The following INPP5A variants were observed in gnomAD, a reference collection of about 807,000 sequenced individuals.
The protein encoded by INPP5A is inositol polyphosphate-5-phosphatase A.
A neutral mutation model predicts 65.2 loss-of-function variants in INPP5A; 14 were observed. The observed-to-expected ratio is 0.21, with a 90% CI of 0.14 to 0.34. INPP5A has a LOEUF of 0.34. Ranked by LOEUF, INPP5A falls within the 10% of genes least tolerant of loss-of-function variation. INPP5A has a pLI of 1.00. For missense variants in INPP5A, 431 were observed against 545.6 expected, an observed-to-expected ratio of 0.79 and a Z score of 2.09; for synonymous variants, 207 against 208.3, an observed-to-expected ratio of 0.99 and a Z score of 0.05.
chr10:132,598,670 C>G (rs1014674796), intron 1 of INPP5A, among the ~76,000 whole-genome samples: 2 of 152,138 alleles, frequency 1.3e-5, no homozygotes, highest in African/African-American at 4.8e-5. Context: ...TGTGGGTGTA[C>G]CGATATCTGT....
At chr10:132,558,172 G>A (rs139575768) in intron 1 of INPP5A, among the ~76,000 whole-genome samples, 65 of 152,322 alleles carry the variant, frequency 4.3e-4, no homozygotes, top group African/African-American at 1.6e-3. Flanking sequence ...CAGGGAAGGG[G>A]CGCTCTGTGT....
In INPP5A at chr10:132,698,944, C is replaced by T. The variant is rs928549746; in HGVS notation, c.474+1025C>T. On this transcript the variant is annotated intron_variant, in intron 6 of 15. Transcript: ENST00000368594. This position sits in a 1 kb window ranked among gnomAD's most constrained non-coding sequence, Gnocchi z 5.5. ...GCCGCCCGTGAAGGATGGGGTGCTC[C>T]TGTCACCCTGTGGCTCGGCCTCCTC... Among the ~76,000 whole-genome samples, 4 of 152,254 alleles carry T rather than the reference C, an allele frequency of 2.6e-5. No homozygotes were observed. Among genetic ancestry groups the T allele is most frequent in the Non-Finnish European group, 4.4e-5 (3 of 68,040 alleles).
At chr10:132,631,098 C>T (rs1215497669) in intron 2 of INPP5A, among the ~76,000 whole-genome samples, 5 of 152,176 alleles carry the variant, frequency 3.3e-5, no homozygotes, top group Non-Finnish European at 7.4e-5. Context: ...CCCAGCCCCA[C>T]GCAGGGCCAA....
intron 2 of INPP5A, among the ~76,000 whole-genome samples, chr10:132,630,791 G>A (rs1037502218): frequency 3.9e-5 from 6 of 152,212 alleles, no homozygotes; most frequent in East Asian, 3.9e-4. Context: ...GGTGGGGGCC[G>A]GGAGGCGGCG....
intron 13 of INPP5A, 23 bp from the exon 14 acceptor site, chr10:132,780,826 A>C: frequency 6.2e-7 from 1 of 1,610,024 alleles, no homozygotes; most frequent in Non-Finnish European, 8.5e-7. Context: ...CCCCACACTC[A>C]CCTGTCTGTT....
At chr10:132,776,990 G>A (rs187263446) in intron 12 of INPP5A, among the ~76,000 whole-genome samples, 9 of 152,328 alleles carry the variant, frequency 5.9e-5, no homozygotes, top group East Asian at 3.9e-4. Context: ...TGGTGGAGAC[G>A]CAACCAGCAG....
At chr10:132,681,626 C>A (rs938419148) in intron 4 of INPP5A, among the ~76,000 whole-genome samples, 1 of 152,054 alleles carries the variant, frequency 6.6e-6, no homozygotes, top group African/African-American at 2.4e-5. Flanking sequence ...GGAGTTGGAA[C>A]CTTTGTGCAC....
chr10:132,596,997 TTGTG>T (rs1261941304), intron 1 of INPP5A, among the ~76,000 whole-genome samples: 10 of 137,920 alleles, frequency 7.3e-5, no homozygotes, highest in Non-Finnish European at 1.1e-4. Context: ...GCACGTGTGT[TTGTG>T]TGCACGCTCC....
chr10:132,717,009 C>T (rs1283358195), intron 8 of INPP5A, among the ~76,000 whole-genome samples: 1 of 152,192 alleles, frequency 6.6e-6, no homozygotes, highest in African/African-American at 2.4e-5. Context: ...ATGCCCCCAG[C>T]CCCAAGGCTG....
Position 132,616,464 on chromosome 10 carries a change from TGTG to T in INPP5A, c.117+8518_117+8520del, listed in dbSNP as rs1234310385. 1.3e-5 allele frequency among the ~76,000 whole-genome samples: 2 copies of T among 151,694 alleles called. No individual in the cohort carries two copies. The highest frequency in any genetic ancestry group is 2.4e-5 in the African/African-American group (1 of 41,278). On this transcript the variant is annotated intron_variant, in intron 2 of 15. Coordinates refer to ENST00000368594, the MANE Select transcript of INPP5A (RefSeq NM_005539.5). The surrounding 1 kb of genome is among the most constrained non-coding windows in gnomAD (Gnocchi z 4.9). Reference sequence around the variant, plus strand: ...TTGGGAACATGGTGGTGACGCAGGATGTGGTGGTGGTGTAGAATGTGGTGCTGA... The same window carrying T: ...TTGGGAACATGGTGGTGACGCAGGATGTGGTGGTGTAGAATGTGGTGCTGA...
intron 12 of INPP5A, among the ~76,000 whole-genome samples, chr10:132,771,382 G>A (rs142925387): frequency 4.6e-5 from 7 of 152,360 alleles, no homozygotes; most frequent in East Asian, 1.9e-4. Flanking sequence ...AGCACGGCCC[G>A]GCCTCTGCCT....
At chr10:132,756,211 G>C (rs775513333) in intron 11 of INPP5A, among the ~76,000 whole-genome samples, 5 of 152,162 alleles carry the variant, frequency 3.3e-5, no homozygotes, top group Non-Finnish European at 7.4e-5. Context: ...GCGTGTACAT[G>C]TGTGCACTTT....
intron 13 of INPP5A, among the ~76,000 whole-genome samples, chr10:132,778,091 C>G (rs2134694894): frequency 6.6e-6 from 1 of 152,258 alleles, no homozygotes; most frequent in South Asian, 2.1e-4. Flanking sequence ...TTCATTGTAT[C>G]CTTGGAAGTC....
At chr10:132,656,773 G>T (rs959220801) in intron 4 of INPP5A, among the ~76,000 whole-genome samples, 1 of 152,212 alleles carries the variant, frequency 6.6e-6, no homozygotes, top group African/African-American at 2.4e-5. Flanking sequence ...GTTTGGAGGG[G>T]CCCAGGGCGG....
At chr10:132,766,623 G>C (rs990741286) in intron 12 of INPP5A, among the ~76,000 whole-genome samples, 1 of 152,200 alleles carries the variant, frequency 6.6e-6, no homozygotes, top group African/African-American at 2.4e-5. Flanking sequence ...GCATGAGTGA[G>C]AACATGTGTG....
At chr10:132,713,454 C>T (rs753097343) in intron 8 of INPP5A, among the ~76,000 whole-genome samples, 7 of 152,124 alleles carry the variant, frequency 4.6e-5, no homozygotes, top group Non-Finnish European at 8.8e-5. Context: ...TCCCGGGTTC[C>T]CCACAGGGCT....
At chr10:132,558,578 G>T (rs2071159465) in intron 1 of INPP5A, among the ~76,000 whole-genome samples, 1 of 152,230 alleles carries the variant, frequency 6.6e-6, no homozygotes, top group Non-Finnish European at 1.5e-5. Flanking sequence ...AGAGCTCCAG[G>T]TGTGGAGAGA....
chr10:132,544,309 G>C (rs544917211), intron 1 of INPP5A, among the ~76,000 whole-genome samples: 1 of 152,254 alleles, frequency 6.6e-6, no homozygotes, highest in Non-Finnish European at 1.5e-5. Context: ...GGAGGTTGGG[G>C]CGTCCTCATT....
chr10:132,607,670 CT>C (rs1293163398), intron 1 of INPP5A, among the ~76,000 whole-genome samples: 4 of 152,266 alleles, frequency 2.6e-5, no homozygotes, highest in African/African-American at 9.6e-5. Context: ...GCTGCCCGAG[CT>C]TTCCTGAGAC....
Sources: gnomAD v4.1 joint callset for allele counts (sites outside exome capture counted in the v4.1 genomes callset) on GRCh38, gnomAD v4.1.1 for gene constraint, Gnocchi (gnomAD v3.1) non-coding constraint, MANE v1.5 for transcripts, NCBI Gene and HGNC (gene_info 2026-07-23, HGNC 2026-07-21) for gene names.